Variants in LGSN observed in about 807,000 individuals in gnomAD.
LGSN encodes lengsin.
Under a neutral mutation model 19.5 loss-of-function variants are expected in LGSN, and 21 were observed. The observed-to-expected ratio is 1.07, with a 90% confidence interval of 0.76 to 1.55. LGSN has a LOEUF of 1.55. Among genes scored for constraint, LGSN ranks in the 40% most tolerant of loss-of-function variants. The pLI is 0.00. For synonymous variants in LGSN, 257 were observed against 215.6 expected, an observed-to-expected ratio of 1.19 and a Z score of -1.68; for missense variants, 673 against 608.5, an observed-to-expected ratio of 1.11 and a Z score of -1.12.
At chr6:63,414,524 T>C in the LGSN span, among the ~76,000 whole-genome samples, 1 of 152,268 alleles carries the variant, frequency 6.6e-6, no homozygotes, top group South Asian at 2.1e-4. Flanking sequence ...ACCTTGATTA[T>C]GGTAATGCTA....
At chr6:63,428,415 G>A in the LGSN span, among the ~76,000 whole-genome samples, 8 of 152,060 alleles carry the variant, frequency 5.3e-5, no homozygotes, top group South Asian at 4.2e-4. Context: ...GCCATGGCGC[G>A]ATCTTGGCTC....
chr6:63,436,830 G>C, the LGSN span, among the ~76,000 whole-genome samples: 6 of 152,114 alleles, frequency 3.9e-5, no homozygotes, highest in African/African-American at 1.4e-4. Context: ...TAGCTCAGAA[G>C]TTTGAGACCA....
chr6:63,438,288 G>C, the LGSN span, among the ~76,000 whole-genome samples: 2 of 152,214 alleles, frequency 1.3e-5, no homozygotes, highest in South Asian at 4.1e-4. Context: ...CAGGACATAG[G>C]CATGGGTAAG....
At chr6:63,438,275 A>G in the LGSN span, among the ~76,000 whole-genome samples, 1 of 152,204 alleles carries the variant, frequency 6.6e-6, no homozygotes. Context: ...AGGCATTACC[A>G]TTCAGGACAT....
At chr6:63,566,277 G>A in the LGSN span, among the ~76,000 whole-genome samples, 2 of 152,210 alleles carry the variant, frequency 1.3e-5, no homozygotes, top group East Asian at 3.8e-4. Context: ...GCAGGGTGTT[G>A]CAATGTATTA....
the LGSN span, among the ~76,000 whole-genome samples, chr6:63,362,345 A>G: frequency 6.6e-6 from 1 of 152,182 alleles, no homozygotes; most frequent in African/African-American, 2.4e-5. Context: ...TACCAGGTTC[A>G]TCTCACTGGG....
chr6:63,463,733 T>C, the LGSN span, among the ~76,000 whole-genome samples: 4 of 152,304 alleles, frequency 2.6e-5, no homozygotes, highest in Admixed American at 6.5e-5. Flanking sequence ...GAGTCTTTAA[T>C]TGTGTAAATA....
At chr6:63,477,292 CTTAG>C in the LGSN span, among the ~76,000 whole-genome samples, 1 of 152,306 alleles carries the variant, frequency 6.6e-6, no homozygotes, top group East Asian at 1.9e-4. Flanking sequence ...GTCATCCATT[CTTAG>C]TTAATTATAA....
At chr6:63,464,186 G>A in the LGSN span, among the ~76,000 whole-genome samples, 1 of 151,892 alleles carries the variant, frequency 6.6e-6, no homozygotes, top group Admixed American at 6.6e-5. Flanking sequence ...GTGAGACTAT[G>A]AATCTTGGCT....
chr6:63,534,314 T>A, the LGSN span, among the ~76,000 whole-genome samples: 1 of 152,106 alleles, frequency 6.6e-6, no homozygotes, highest in Non-Finnish European at 1.5e-5. Flanking sequence ...TGCCATGCAA[T>A]CTCTCTGGGA....
chr6:63,516,051 T>C, the LGSN span, among the ~76,000 whole-genome samples: 1 of 152,248 alleles, frequency 6.6e-6, no homozygotes, highest in Non-Finnish European at 1.5e-5. Flanking sequence ...TTTTTATTTA[T>C]TCTTATTGGC....
the LGSN span, among the ~76,000 whole-genome samples, chr6:63,387,565 C>T: frequency 6.6e-6 from 1 of 152,040 alleles, no homozygotes; most frequent in African/African-American, 2.4e-5. Context: ...TACTGAGGGA[C>T]AACTGTATTC....
At chr6:63,540,681 C>G in the LGSN span, among the ~76,000 whole-genome samples, 1 of 151,720 alleles carries the variant, frequency 6.6e-6, no homozygotes, top group Non-Finnish European at 1.5e-5. Context: ...AGATTTCTAT[C>G]ACAATACCAT....
chr6:63,334,297 CCAG>C, the LGSN span, among the ~76,000 whole-genome samples: 1 of 152,056 alleles, frequency 6.6e-6, no homozygotes, highest in African/African-American at 2.4e-5. Context: ...ATATTAAAAA[CCAG>C]CAGCATTTCT....
At position 63,281,176 on chromosome 6, in the gene LGSN, T is replaced by A; in HGVS notation, c.375A>T (p.Glu125Asp). Residue 125 changes from glutamate (E) to aspartate (D), a missense_variant, in exon 4 of 4, where the codon GAA becomes GAT. Glu to Asp is a conservative substitution (Grantham distance 45, BLOSUM62 2). Coordinates refer to ENST00000370657, the MANE Select transcript of LGSN (RefSeq NM_016571.3). ...CATTGTCCTTTGGATTTGGTATCAC[T>A]TCAAGATAACCTCGGGGCATGCAAA... is the stretch of plus-strand genomic sequence containing the variant. ...HGVCMPRGYL[E>D]VIPNPKDNEM... The A allele has an allele frequency of 6.2e-7, 1 of 1,612,648 alleles. No homozygotes were observed. The highest frequency in any genetic ancestry group is 2.2e-5 in the East Asian group (1 of 44,832).
the LGSN span, among the ~76,000 whole-genome samples, chr6:63,497,405 C>T: frequency 3.4e-4 from 52 of 152,072 alleles, no homozygotes; most frequent in Admixed American, 1.9e-3. Context: ...AAAAATTAGC[C>T]AGGCTGGGTG....
At chr6:63,287,475 C>A (rs1354949190) in intron 2 of LGSN, among the ~76,000 whole-genome samples, 2 of 152,096 alleles carry the variant, frequency 1.3e-5, no homozygotes, top group East Asian at 3.9e-4. Context: ...TCACTTGGGG[C>A]CAGGAGTTCA....
At chr6:63,467,062 G>A in the LGSN span, among the ~76,000 whole-genome samples, 11 of 152,078 alleles carry the variant, frequency 7.2e-5, no homozygotes, top group African/African-American at 2.4e-4. Context: ...CAGGTCGGAG[G>A]ACTGAGCCCT....
At chr6:63,431,370 T>C in the LGSN span, among the ~76,000 whole-genome samples, 1 of 152,160 alleles carries the variant, frequency 6.6e-6, no homozygotes, top group Non-Finnish European at 1.5e-5. Flanking sequence ...AGAAAGAGCA[T>C]TGTATTTCAC....
Sources: gnomAD v4.1 joint callset for allele counts (sites outside exome capture counted in the v4.1 genomes callset) on GRCh38, gnomAD v4.1.1 for gene constraint, MANE v1.5 for transcripts, NCBI Gene and HGNC (gene_info 2026-07-23, HGNC 2026-07-21) for gene names.